The following SLC16A5 variants were observed in gnomAD, a reference collection of about 807,000 sequenced individuals.
The protein encoded by SLC16A5 is solute carrier family 16 member 5, also known as monocarboxylate transporter 6.
Under a neutral mutation model 33.2 loss-of-function variants are expected in SLC16A5, and 29 were observed. The ratio of observed to expected loss-of-function variants is 0.87; its 90% CI spans 0.65 to 1.19. SLC16A5 has a LOEUF of 1.19. Ranked by LOEUF, SLC16A5 falls within the 50% of genes most tolerant of loss-of-function variation. The pLI is 0.00. For synonymous variants in SLC16A5, 248 were observed against 284.1 expected, an observed-to-expected ratio of 0.87 and a Z score of 1.28; for missense variants, 606 against 678.2, an observed-to-expected ratio of 0.89 and a Z score of 1.18.
intron 2 of SLC16A5, among the ~76,000 whole-genome samples, chr17:75,092,324 G>C (rs1468609043): frequency 6.6e-6 from 1 of 151,004 alleles, no homozygotes; most frequent in Admixed American, 6.6e-5. Flanking sequence ...GTGTCTCTTC[G>C]TGTCTCTGGA....
chr17:75,105,128 A>T (rs2073847401), intron 6 of SLC16A5: 1 of 985,290 alleles, frequency 1.0e-6, no homozygotes, highest in African/African-American at 1.7e-5. Flanking sequence ...GGCAGTGCAG[A>T]GGTCCAGGCT....
chr17:75,104,543 C>A lies in SLC16A5; in HGVS notation c.1364+363C>A, dbSNP rs780494504. The A allele has an allele frequency of 1.1e-4, 100 of 896,608 alleles. 1 individual carries two copies. The highest frequency in any genetic ancestry group is 1.3e-4 in the Non-Finnish European group (93 of 724,110). The allele number at this position is 896,608 out of a possible 1,614,324, so 55.5% of individuals were successfully genotyped here. A position where few individuals can be genotyped will look rare whatever the true frequency, so the allele number is the denominator to read the frequency against. On this transcript the variant is annotated intron_variant, in intron 6 of 6. Transcript: ENST00000329783. ...CAAGGGATTCTCCTGCCTCTGCCCC[C>A]CAAGTTCAAGCGATTCTCCTGCCTC...
chr17:75,107,533 G>A (rs544563713), downstream of SLC16A5, among the ~76,000 whole-genome samples: 11 of 152,212 alleles, frequency 7.2e-5, no homozygotes, highest in African/African-American at 2.4e-4. Flanking sequence ...GGCTGGGTGC[G>A]GTGGCTCATG....
At chr17:75,105,480 A>G in intron 6 of SLC16A5, 1 of 985,278 alleles carries the variant, frequency 1.0e-6, no homozygotes, top group Non-Finnish European at 1.2e-6. Flanking sequence ...TATTGGTGTC[A>G]ACCCTGGGGT....
intron 4 of SLC16A5, among the ~76,000 whole-genome samples, chr17:75,099,573 C>A (rs950261723): frequency 3.9e-5 from 6 of 152,116 alleles, no homozygotes; most frequent in African/African-American, 1.2e-4. Context: ...TCCTAGGTAG[C>A]TATTACAGAC....
chr17:75,093,425 C>T, intron 2 of SLC16A5, 164 bp from the exon 3 acceptor site: 1 of 1,535,922 alleles, frequency 6.5e-7, no homozygotes, highest in Non-Finnish European at 8.7e-7. Flanking sequence ...ATGCCAAGGC[C>T]AACGCGTGGG....
At chr17:75,107,601 G>A (rs181433421), downstream of SLC16A5, among the ~76,000 whole-genome samples, 10 of 152,228 alleles carry the variant, frequency 6.6e-5, no homozygotes, top group South Asian at 2.1e-4. Flanking sequence ...TCAAGATATC[G>A]AGACCATCCT....
intron 2 of SLC16A5, chr17:75,089,760 A>G (rs77419513): frequency 6.7e-6 from 1 of 149,292 alleles, no homozygotes; most frequent in Non-Finnish European, 1.5e-5. Context: ...TCTCAGAAAA[A>G]AAAAAAAAAA....
chr17:75,105,840 G>C, intron 6 of SLC16A5, 40 bp from the exon 7 acceptor site: 1 of 1,521,900 alleles, frequency 6.6e-7, no homozygotes, highest in Non-Finnish European at 8.9e-7. Context: ...ACCAGGCTCC[G>C]CAAGAAAACC....
intron 4 of SLC16A5, 104 bp from the exon 5 acceptor site, chr17:75,099,899 CTAGA>C: frequency 9.4e-7 from 1 of 1,068,186 alleles, no homozygotes; most frequent in Non-Finnish European, 1.3e-6. Context: ...TGGGTATGGA[CTAGA>C]ACCAGAGGAG....
At chr17:75,107,806 G>C (rs555888345), downstream of SLC16A5, among the ~76,000 whole-genome samples, 2 of 152,062 alleles carry the variant, frequency 1.3e-5, no homozygotes, top group South Asian at 4.1e-4. Flanking sequence ...GCGTCGTGGC[G>C]GGTGCCTGTA....
At position 75,093,696 on chromosome 17, in the gene SLC16A5, C is replaced by T; in HGVS notation, c.60C>T (p.Thr20=). Residue 20 remains threonine, a synonymous_variant, in exon 3 of 7, where the codon ACC becomes ACT. Coordinates refer to ENST00000329783, the MANE Select transcript of SLC16A5 (RefSeq NM_004695.4). ...GSWAWVVLLA[T]MVTQGLTLGF... ...GGGCCTGGGTGGTGCTGCTGGCCAC[C>T]ATGGTGACCCAGGGCCTCACCCTGG... 1 of 1,614,080 alleles carries T rather than the reference C, an allele frequency of 6.2e-7. No homozygotes were observed. Among genetic ancestry groups the T allele is most frequent in the Non-Finnish European group, 8.5e-7 (1 of 1,180,010 alleles).
rs200935710 is a variant in SLC16A5 at position 75,100,350 on chromosome 17, C to T, written c.687C>T (p.Phe229=). Residue 229 remains phenylalanine, a synonymous_variant, in exon 5 of 7, where the codon TTC becomes TTT. Coordinates refer to ENST00000329783, the MANE Select transcript of SLC16A5 (RefSeq NM_004695.4). ...GGACCATCCAGCGCCACCTGGCCTT[C>T]GACATCCTGCGGCACAACACAGGCT... ...CGRTIQRHLA[F]DILRHNTGYC... is the part of the protein sequence containing the mutation. 9.9e-6 allele frequency: 16 copies of T among 1,614,200 alleles called. No individual in the cohort carries two copies. Among genetic ancestry groups the T allele is most frequent in the Middle Eastern group, 1.6e-4 (1 of 6,062 alleles).
intron 1 of SLC16A5, 85 bp from the exon 2 acceptor site, chr17:75,089,066 A>C (rs556602616): frequency 2.6e-5 from 4 of 152,308 alleles, no homozygotes; most frequent in African/African-American, 4.8e-5. Flanking sequence ...CCCTAGTCCC[A>C]GCAAGTGAGA....
At chr17:75,103,910 A>G in intron 5 of SLC16A5, 60 bp from the exon 6 acceptor site, 1 of 1,469,518 alleles carries the variant, frequency 6.8e-7, no homozygotes, top group South Asian at 1.2e-5. Context: ...GTCAGGGAAC[A>G]CACAGCTGAG....
downstream of SLC16A5, among the ~76,000 whole-genome samples, chr17:75,107,581 G>C (rs2073872524): frequency 6.6e-6 from 1 of 151,998 alleles, no homozygotes; most frequent in African/African-American, 2.4e-5. Flanking sequence ...GAGACAGGTG[G>C]ATCACGAGGT....
At chr17:75,110,093 A>C, downstream of SLC16A5, 1 of 584,194 alleles carries the variant, frequency 1.7e-6, no homozygotes, top group Non-Finnish European at 3.0e-6. Context: ...CAGGATTCTG[A>C]GACCCCGTCC....
Position 75,100,734 on chromosome 17 carries a change from C to T in SLC16A5, c.1071C>T (p.Val357=). 2.5e-6 allele frequency: 4 copies of T among 1,614,148 alleles called. No individual in the cohort carries two copies. The highest frequency in any genetic ancestry group is 3.4e-6 in the Non-Finnish European group (4 of 1,180,022). Residue 357 remains valine (V), a synonymous_variant, in exon 5 of 7, where the codon GTC becomes GTT. Coordinates refer to ENST00000329783, the MANE Select transcript of SLC16A5 (RefSeq NM_004695.4). The part of the protein sequence containing the change: ...ALIFQVLMDI[V]PMDQFPRALG... ...TCTTCCAGGTTCTCATGGACATCGT[C>T]CCCATGGATCAGTTCCCCAGAGCCC... is the stretch of plus-strand genomic sequence containing the variant.
chr17:75,092,906 C>G (rs73995757), intron 2 of SLC16A5, among the ~76,000 whole-genome samples: 4,745 of 151,222 alleles, frequency 0.031, 245 homozygotes, highest in African/African-American at 0.11. Flanking sequence ...GCCTTGAGCT[C>G]TGTTTGAAAG....
Sources: allele counts gnomAD v4.1 joint callset (sites outside exome capture counted in the v4.1 genomes callset), GRCh38; gene constraint gnomAD v4.1.1; transcripts MANE v1.5; gene names NCBI Gene and HGNC (gene_info 2026-07-23, HGNC 2026-07-21).